Variants in RFX5 observed in about 807,000 individuals in gnomAD.
RFX5 encodes the protein regulatory factor X5, also known as DNA-binding protein RFX5.
In RFX5, 30 loss-of-function variants were observed where a neutral mutation model predicts 41.2. The observed-to-expected ratio is 0.73, with a 90% confidence interval of 0.54 to 0.99. The LOEUF (loss-of-function observed/expected upper bound fraction) is 0.99. Among genes scored for constraint, RFX5 ranks in the 50% least tolerant of loss-of-function variants. RFX5 has a pLI of 0.00. For synonymous variants in RFX5, 231 were observed against 291.8 expected (o/e 0.79, Z 2.12); for missense variants, 715 against 773.6 (o/e 0.92, Z 0.90).
chr1:151,342,773 C>T lies in RFX5; in HGVS notation c.1264G>A (p.Asp422Asn). 3 of 1,614,074 alleles carry T rather than the reference C, an allele frequency of 1.9e-6. No homozygotes were observed. Among genetic ancestry groups the T allele is most frequent in the Non-Finnish European group, 2.5e-6 (3 of 1,179,948 alleles). Residue 422 changes from aspartate to asparagine, a missense_variant, in exon 11 of 11, where the codon GAC becomes AAC. By Grantham distance (23) the Asp-to-Asn change is conservative (BLOSUM62 1). Coordinates refer to ENST00000452671, the MANE Select transcript of RFX5 (RefSeq NM_001025603.2). ...TENREVGIGG[D>N]QGPHDKGVKR... ...ACACCCTTGTCATGTGGTCCTTGGT[C>T]ACCACCTATGCCTACCTCTCTGTTC... is the stretch of plus-strand genomic sequence containing the variant.
intron 8 of RFX5, 149 bp from the exon 9 acceptor site, chr1:151,344,031 G>T: frequency 9.0e-7 from 1 of 1,113,038 alleles, no homozygotes; most frequent in Non-Finnish European, 1.3e-6. Context: ...AAGCCCACAA[G>T]TTCTCTTCAT....
intron 6 of RFX5, 60 bp downstream of exon 6, chr1:151,344,668 T>C (rs1232175818): frequency 1.3e-6 from 2 of 1,558,608 alleles, no homozygotes; most frequent in African/African-American, 2.7e-5. Context: ...AAGCTCTTCA[T>C]GGGTGAGGGG....
At position 151,342,679 on chromosome 1, in the gene RFX5, T is replaced by C. The variant is rs941190018; in HGVS notation, c.1358A>G (p.Gln453Arg). The change falls in exon 11 of 11, where the codon CAG (glutamine) becomes CGG (arginine). Residue 453 changes from glutamine (Q) to arginine (R), a missense_variant. Gln to Arg is a conservative substitution (Grantham distance 43). Coordinates refer to ENST00000452671, the MANE Select transcript of RFX5 (RefSeq NM_001025603.2). ...GQAPPAKAAKQDIEDTASDAK... is the reference protein window; with the variant it reads ...GQAPPAKAAKRDIEDTASDAK... ...ATCACTTGCTGTATCCTCTATATCC[T>C]GCTTTGCTGCTTTAGCTGGTGGAGC... is the stretch of plus-strand genomic sequence containing the variant. 13 of 1,614,148 alleles carry C rather than the reference T, an allele frequency of 8.1e-6. No individual in the cohort carries two copies. The highest frequency in any genetic ancestry group is 1.1e-5 in the Non-Finnish European group (13 of 1,180,062).
chr1:151,345,003 C>T (rs1650878533), intron 5 of RFX5, 103 bp downstream of exon 5: 3 of 1,525,968 alleles, frequency 2.0e-6, no homozygotes, highest in East Asian at 2.3e-5. Context: ...TCCTCTTCAT[C>T]AAGGACAGCA....
At chr1:151,344,329 A>G in intron 7 of RFX5, 51 bp from the exon 8 acceptor site, 1 of 1,613,972 alleles carries the variant, frequency 6.2e-7, no homozygotes, top group Non-Finnish European at 8.5e-7. Flanking sequence ...AAGCCCCTCG[A>G]GCAAGTTAAG....
chr1:151,343,833 T>C lies in RFX5; in HGVS notation c.605A>G (p.Glu202Gly). ...VTPAPRDELV[E>G]AACALTCDWA... is the part of the protein sequence containing the mutation. ...GTCACAGGTCAGGGCACACGCTGCC[T>C]CCACCAGTTCATCTCGAGGTGCTGG... Residue 202 changes from glutamate to glycine, a missense_variant, in exon 9 of 11, where the codon GAG becomes GGG. Glu to Gly is a moderately conservative substitution (Grantham distance 98). Transcript: ENST00000452671. The C allele has an allele frequency of 6.2e-7, 1 of 1,614,112 alleles. No individual in the cohort carries two copies. Among genetic ancestry groups the C allele is most frequent in the Non-Finnish European group, 8.5e-7 (1 of 1,180,034 alleles).
Position 151,342,918 on chromosome 1 carries a change from T to G in RFX5, c.1119A>C (p.Ala373=). 6.2e-7 allele frequency: 1 copy of G among 1,613,884 alleles called. No individual in the cohort carries two copies. Among genetic ancestry groups the G allele is most frequent in the South Asian group, 1.1e-5 (1 of 91,072 alleles). Reference sequence around the variant, plus strand: ...TAATGATGGGCACAGCTGCTGGGGGTGCCCCGGCCCTACTAGACAGAGGCA... The same window carrying G: ...TAATGATGGGCACAGCTGCTGGGGGGGCCCCGGCCCTACTAGACAGAGGCA... The part of the protein sequence containing the change: ...ATLPLSSRAG[A]PPAAVPIINM... Residue 373 remains alanine, a synonymous_variant, in exon 11 of 11, where the codon GCA becomes GCC. Transcript: ENST00000452671.
chr1:151,346,181 C>G (rs1651037500), intron 3 of RFX5, 24 bp downstream of exon 3: 1 of 1,608,904 alleles, frequency 6.2e-7, no homozygotes, highest in African/African-American at 1.3e-5. Flanking sequence ...TTGGACAGGA[C>G]TTGGAGATGT....
chr1:151,344,628 C>T, intron 6 of RFX5, 92 bp from the exon 7 acceptor site: 6 of 1,599,904 alleles, frequency 3.8e-6, no homozygotes, highest in Non-Finnish European at 5.1e-6. Context: ...GTGAGGAACC[C>T]TTTAAGAAGG....
At position 151,345,969 on chromosome 1, in the gene RFX5, G is replaced by A; in HGVS notation, c.117-8C>T. On this transcript the variant is annotated splice_polypyrimidine_tract_variant and splice_region_variant and intron_variant, in intron 3 of 10. Transcript: ENST00000452671. ...TTGTTCTGCACGGCCTTGCTGTGGG[G>A]AAGAGGAGAAAGCTGGAGGTCACAC... The A allele has an allele frequency of 1.2e-6, 2 of 1,614,186 alleles. No individual in the cohort carries two copies. Among genetic ancestry groups the A allele is most frequent in the Non-Finnish European group, 1.7e-6 (2 of 1,180,042 alleles).
In RFX5 at chr1:151,342,363, A is replaced by C. The variant is rs1236429179; in HGVS notation, c.1674T>G (p.Ile558Met). ...SQHTKEAEDK[I>M]PLVPSKVSVI... is the part of the protein sequence containing the mutation. ...CACTCACTTTTGAGGGGACCAAGGG[A>C]ATTTTATCTTCTGCTTCTTTGGTAT... Residue 558 changes from isoleucine to methionine, a missense_variant, in exon 11 of 11, where the codon ATT becomes ATG. Coordinates refer to ENST00000452671, the MANE Select transcript of RFX5 (RefSeq NM_001025603.2). 4.3e-6 allele frequency: 7 copies of C among 1,613,886 alleles called. No individual in the cohort carries two copies. In the South Asian group the frequency reaches 6.6e-5, roughly 15 times the overall value.
At position 151,341,248 on chromosome 1, in the gene RFX5, G is replaced by A. The variant is rs1010904448; in HGVS notation, c.*938C>T. ...ATGAGACTGAAGAGTCCCTAGAGGA[G>A]AATGGCTTCCCTCTCCTTCCTTCTG... On this transcript the variant is annotated 3_prime_UTR_variant, in exon 11 of 11. Transcript: ENST00000452671. The A allele has an allele frequency of 6.6e-6, 1 of 152,240 alleles. No individual in the cohort carries two copies. Among genetic ancestry groups the A allele is most frequent in the African/African-American group, 2.4e-5 (1 of 41,440 alleles). The allele number at this position is 152,240 out of a possible 1,614,324, so 9.4% of individuals were successfully genotyped here.
At position 151,344,265 on chromosome 1, in the gene RFX5, C is replaced by T; in HGVS notation, c.487G>A (p.Gly163Ser). ...GACACCAAGGTCTTCCTCCTTATGC[C>T]ACTGTAGCAATATCTGATGCAAGTT... Reference protein sequence around the residue: ...GRGQSKYCYSGIRRKTLVSMP... With the variant: ...GRGQSKYCYSSIRRKTLVSMP... The change falls in exon 8 of 11, where the codon GGC (glycine) becomes AGC (serine). Residue 163 changes from glycine (G) to serine (S), a missense_variant. Gly to Ser is a moderately conservative substitution (Grantham distance 56). Coordinates refer to ENST00000452671, the MANE Select transcript of RFX5 (RefSeq NM_001025603.2). 1 of 1,614,136 alleles carries T rather than the reference C, an allele frequency of 6.2e-7. No individual in the cohort carries two copies. Among genetic ancestry groups the T allele is most frequent in the Non-Finnish European group, 8.5e-7 (1 of 1,180,032 alleles).
rs1425002959 is a variant in RFX5, at chr1:151,342,632, G to A, written c.1405C>T (p.Pro469Ser). 9 of 1,614,134 alleles carry A rather than the reference G, an allele frequency of 5.6e-6. No homozygotes were observed. Among genetic ancestry groups the A allele is most frequent in the African/African-American group, 1.3e-5 (1 of 75,026 alleles). ...ASDAKRKRGR[P>S]RKKSGGSGER... ...CCACTTCCACCTGACTTTTTTCGAGGGCGCCCCCGTTTCCTTTTGGCATCA... is the reference window on the plus strand; with the variant it reads ...CCACTTCCACCTGACTTTTTTCGAGAGCGCCCCCGTTTCCTTTTGGCATCA... Residue 469 changes from proline to serine, a missense_variant, in exon 11 of 11, where the codon CCT (proline) becomes TCT (serine). Coordinates refer to ENST00000452671, the MANE Select transcript of RFX5 (RefSeq NM_001025603.2).
At position 151,344,524 on chromosome 1, in the gene RFX5, C is replaced by T; in HGVS notation, c.366G>A (p.Glu122=). The change falls in exon 7 of 11, where the codon GAG becomes GAA. Residue 122 remains glutamate (E), a synonymous_variant. Coordinates refer to ENST00000452671, the MANE Select transcript of RFX5 (RefSeq NM_001025603.2). ...TGAGTGGGCGGCAACAGGCAAGACT[C>T]TCACAGTACTTCCTGAGTGAGAGGG... The part of the protein sequence containing the change: ...SVYDAYRKYC[E]SLACCRPLST... 1 of 1,614,236 alleles carries T rather than the reference C, an allele frequency of 6.2e-7. No individual in the cohort carries two copies. The highest frequency in any genetic ancestry group is 8.5e-7 in the Non-Finnish European group (1 of 1,180,044).
chr1:151,343,312 C>G (rs373771063), intron 10 of RFX5, 30 bp downstream of exon 10: 248 of 1,609,292 alleles, frequency 1.5e-4, no homozygotes, highest in Non-Finnish European at 3.3e-5. Flanking sequence ...CAGCCCAGGA[C>G]AGCAAAGTCA....
Position 151,342,276 on chromosome 1 carries a change from AGT to A in RFX5, c.1759_1760del (p.Thr587CysfsTer5). ...AFPLAKGEVD[T>X]APQGNKDLKE... is the part of the protein sequence containing the mutation. ...TTAAGTCTTTATTACCCTGTGGTGC[AGT>A]GTCTACCTCTCCCTTTGCCAAAGGA... On this transcript the variant is annotated frameshift_variant, in exon 11 of 11. Coordinates refer to ENST00000452671, the MANE Select transcript of RFX5 (RefSeq NM_001025603.2). LOFTEE classifies it high-confidence loss of function. 1 of 1,614,162 alleles carries A rather than the reference AGT, an allele frequency of 6.2e-7. No individual in the cohort carries two copies. The highest frequency in any genetic ancestry group is 2.2e-5 in the East Asian group (1 of 44,876).
chr1:151,343,228 G>A lies in RFX5; in HGVS notation c.859-50C>T, dbSNP rs772531729. Reference sequence around the variant, plus strand: ...GTAAGGTGTGAAGAATGAGTATTGGGGGAAACATAGACGCCAGAGGCACAG... The same window carrying A: ...GTAAGGTGTGAAGAATGAGTATTGGAGGAAACATAGACGCCAGAGGCACAG... On this transcript the variant is annotated intron_variant, in intron 10 of 10. Transcript: ENST00000452671. 2.7e-5 allele frequency: 43 copies of A among 1,610,450 alleles called. No homozygotes were observed. In the East Asian group the frequency reaches 9.1e-4, roughly 34 times the overall value.
rs1488240417 is a variant in RFX5, at chr1:151,346,551, T to C, written c.-76A>G. On this transcript the variant is annotated 5_prime_UTR_variant, in exon 2 of 11. Coordinates refer to ENST00000452671, the MANE Select transcript of RFX5 (RefSeq NM_001025603.2). ...AGGCCCATATATGCCCAAAGAGATC[T>C]TTGCCATCTCCATTCTATCTGCCCC... 1 of 524,376 alleles carries C rather than the reference T, an allele frequency of 1.9e-6. No individual in the cohort carries two copies. The highest frequency in any genetic ancestry group is 1.9e-5 in the African/African-American group (1 of 52,162). The allele number at this position is 524,376 out of a possible 1,614,324, so 32.5% of individuals were successfully genotyped here. A position where few individuals can be genotyped will look rare whatever the true frequency, so the allele number is the denominator to read the frequency against.
Sources: allele counts gnomAD v4.1 joint callset, GRCh38; gene constraint gnomAD v4.1.1; transcripts MANE v1.5; gene names NCBI Gene and HGNC (gene_info 2026-07-23, HGNC 2026-07-21).